DYSF: variants seen among roughly 807,000 people sequenced by gnomAD.
The protein encoded by DYSF is dysferlin.
In DYSF, 212 loss-of-function variants were observed where a neutral mutation model predicts 274.9. The ratio of observed to expected loss-of-function variants is 0.77; its 90% confidence interval spans 0.69 to 0.86. The LOEUF (loss-of-function observed/expected upper bound fraction) is 0.86, where lower values mean the gene tolerates loss of function less well. DYSF is among the 40% of genes least tolerant of loss of function. The pLI is 0.00. For missense variants in DYSF, 2,666 were observed against 2,783.2 expected, an observed-to-expected ratio of 0.96 and a Z score of 0.95; for synonymous variants, 1,091 against 1,078.7, an observed-to-expected ratio of 1.01 and a Z score of -0.22.
At chr2:71,499,769 A>G (rs1450073894) in intron 3 of DYSF, among the ~76,000 whole-genome samples, 1 of 151,936 alleles carries the variant, frequency 6.6e-6, no homozygotes, top group Non-Finnish European at 1.5e-5. Flanking sequence ...CACCCCCCAC[A>G]TTCCAATGGC....
At chr2:71,616,858 C>T (rs2093896657) in intron 40 of DYSF, among the ~76,000 whole-genome samples, 1 of 152,134 alleles carries the variant, frequency 6.6e-6, no homozygotes, top group Non-Finnish European at 1.5e-5. Flanking sequence ...GTCTCTGATT[C>T]TGTCTCTGAC....
intron 41 of DYSF, among the ~76,000 whole-genome samples, chr2:71,626,446 A>G (rs1010777213): frequency 7.1e-5 from 8 of 112,922 alleles, no homozygotes; most frequent in African/African-American, 2.3e-4. Context: ...TAATATATTT[A>G]CATATGTTAA....
intron 17 of DYSF, among the ~76,000 whole-genome samples, chr2:71,550,730 C>G (rs1292057443): frequency 6.6e-6 from 1 of 152,190 alleles, no homozygotes; most frequent in Non-Finnish European, 1.5e-5. Context: ...TGAGGTGACA[C>G]CATTCTGGAC....
intron 36 of DYSF, 66 bp downstream of exon 36, chr2:71,602,871 G>A: frequency 1.3e-6 from 2 of 1,589,522 alleles, no homozygotes; most frequent in South Asian, 2.2e-5. Flanking sequence ...CAGCCTTCAA[G>A]CACACACCTG....
chr2:71,515,106 G>A (rs111738700), intron 7 of DYSF, among the ~76,000 whole-genome samples: 81 of 152,284 alleles, frequency 5.3e-4, no homozygotes, highest in African/African-American at 1.9e-3. Flanking sequence ...ATATTTGGAA[G>A]CATAGACGTT....
chr2:71,520,118 C>T, intron 10 of DYSF, 60 bp from the exon 11 acceptor site: 1 of 1,604,096 alleles, frequency 6.2e-7, no homozygotes, highest in African/African-American at 1.3e-5. Flanking sequence ...TAATGCACCA[C>T]ACTTTATTTA....
At chr2:71,617,055 T>A (rs2152884074) in intron 40 of DYSF, among the ~76,000 whole-genome samples, 1 of 152,286 alleles carries the variant, frequency 6.6e-6, no homozygotes, top group Non-Finnish European at 1.5e-5. Context: ...ATAGAGGCTG[T>A]GCCCCCAGAA....
chr2:71,473,512 T>C (rs1363625461), intron 1 of DYSF, among the ~76,000 whole-genome samples: 1 of 152,228 alleles, frequency 6.6e-6, no homozygotes, highest in Non-Finnish European at 1.5e-5. Flanking sequence ...CATGGGCAGA[T>C]GCAGCTGTCT....
chr2:71,500,585 A>G (rs2084882923), intron 3 of DYSF, among the ~76,000 whole-genome samples: 1 of 152,020 alleles, frequency 6.6e-6, no homozygotes, highest in African/African-American at 2.4e-5. Flanking sequence ...ATTTCCTGCC[A>G]TTGTTCCCTG....
At chr2:71,488,725 G>T (rs555264152) in intron 3 of DYSF, among the ~76,000 whole-genome samples, 2 of 152,194 alleles carry the variant, frequency 1.3e-5, no homozygotes, top group Admixed American at 6.5e-5. Flanking sequence ...CTTTAAAGAC[G>T]CTCTCTTAGG....
At chr2:71,621,872 T>C (rs2094109827) in intron 41 of DYSF, among the ~76,000 whole-genome samples, 1 of 151,860 alleles carries the variant, frequency 6.6e-6, no homozygotes, top group African/African-American at 2.4e-5. Flanking sequence ...TGTTGGCCAG[T>C]CTGGTCTCGG....
At chr2:71,568,119 A>G (rs2092216385) in intron 25 of DYSF, 37 bp downstream of exon 25, 2 of 1,613,976 alleles carry the variant, frequency 1.2e-6, no homozygotes, top group Non-Finnish European at 8.5e-7. Context: ...GCCTCCCACT[A>G]CCTGGAGCTG....
chr2:71,611,159 T>G, intron 36 of DYSF, 86 bp from the exon 37 acceptor site: 1 of 1,020,062 alleles, frequency 9.8e-7, no homozygotes, highest in Non-Finnish European at 1.5e-6. Context: ...TGGCATTTCT[T>G]TCTGTCCTAT....
intron 12 of DYSF, among the ~76,000 whole-genome samples, chr2:71,525,874 C>T (rs1347766425): frequency 1.3e-5 from 2 of 152,152 alleles, no homozygotes; most frequent in African/African-American, 2.4e-5. Flanking sequence ...CCAGCTTAGA[C>T]CTCAGTTACT....
chr2:71,587,246 A>G (rs2093101357), intron 30 of DYSF, among the ~76,000 whole-genome samples: 1 of 152,168 alleles, frequency 6.6e-6, no homozygotes, highest in Non-Finnish European at 1.5e-5. Flanking sequence ...CTCTCCTGGC[A>G]GGGGCCCAGG....
At chr2:71,570,153 A>C in intron 27 of DYSF, 76 bp from the exon 28 acceptor site, 1 of 1,367,996 alleles carries the variant, frequency 7.3e-7, no homozygotes, top group Admixed American at 1.7e-5. Flanking sequence ...TATGTTGTCA[A>C]GTTGCATCTT....
chr2:71,682,420 G>A (rs916994364), intron 54 of DYSF, 110 bp from the exon 55 acceptor site: 1 of 1,383,344 alleles, frequency 7.2e-7, no homozygotes, highest in Admixed American at 1.7e-5. Context: ...GGCAGGCGCT[G>A]GGGGTGGACT....
At chr2:71,469,286 G>T (rs998988088) in intron 1 of DYSF, among the ~76,000 whole-genome samples, 2 of 152,102 alleles carry the variant, frequency 1.3e-5, no homozygotes, top group Non-Finnish European at 2.9e-5. Flanking sequence ...CATGTAGGCT[G>T]GGGGGACTCA....
chr2:71,551,577 C>G (rs772526593), intron 18 of DYSF, 30 bp from the exon 19 acceptor site: 1 of 1,576,578 alleles, frequency 6.3e-7, no homozygotes, highest in South Asian at 1.2e-5. Flanking sequence ...TCTGTCTCCC[C>G]TGCTCCTTGT....
Sources: allele counts gnomAD v4.1 joint callset (sites outside exome capture counted in the v4.1 genomes callset), GRCh38; gene constraint gnomAD v4.1.1; transcripts MANE v1.5; gene names NCBI Gene and HGNC (gene_info 2026-07-23, HGNC 2026-07-21).